The following PALLD variants were observed in gnomAD, a reference collection of about 807,000 sequenced individuals.
The protein encoded by PALLD is palladin, cytoskeletal associated protein, also known as palladin.
In PALLD, 61 loss-of-function variants were observed where a neutral mutation model predicts 123.5. That is an observed-to-expected ratio of 0.49 (90% CI 0.40 to 0.61). PALLD has a LOEUF of 0.61. Ranked by LOEUF, PALLD falls within the 20% of genes least tolerant of loss-of-function variation. The probability of loss-of-function intolerance (pLI) is 0.00; values close to 1 mark genes in which losing one functional copy is unlikely to be tolerated. For missense variants in PALLD, 1,273 were observed against 1,377.0 expected (o/e 0.92, Z 1.20); for synonymous variants, 465 against 496.4 (o/e 0.94, Z 0.84).
chr4:168,717,428 G>A (rs148813682), intron 10 of PALLD, among the ~76,000 whole-genome samples: 1 of 151,924 alleles, frequency 6.6e-6, no homozygotes, highest in African/African-American at 2.4e-5. Flanking sequence ...TTGGCTCACT[G>A]CAACCTCCAC....
intron 10 of PALLD, among the ~76,000 whole-genome samples, chr4:168,867,320 T>C (rs1750437164): frequency 6.6e-6 from 1 of 152,186 alleles, no homozygotes; most frequent in African/African-American, 2.4e-5. Flanking sequence ...GCAATAGTCA[T>C]GCTTGATGAA....
intron 3 of PALLD, 56 bp downstream of exon 3, chr4:168,668,424 C>G: frequency 1.4e-6 from 2 of 1,418,018 alleles, no homozygotes; most frequent in Non-Finnish European, 1.9e-6. Flanking sequence ...TCTAATGACT[C>G]CAGTATCTTG....
At chr4:168,760,846 C>A (rs898264588) in intron 10 of PALLD, among the ~76,000 whole-genome samples, 3 of 152,210 alleles carry the variant, frequency 2.0e-5, no homozygotes, top group African/African-American at 7.2e-5. Context: ...CTTTCAAAAT[C>A]TATTTTGATG....
intron 1 of PALLD, among the ~76,000 whole-genome samples, chr4:168,502,483 G>A (rs1412328284): frequency 1.3e-5 from 2 of 152,114 alleles, no homozygotes; most frequent in East Asian, 3.9e-4. Context: ...GACACAAACA[G>A]TTATGTGTTA....
At chr4:168,568,605 G>A (rs1466955255) in intron 2 of PALLD, among the ~76,000 whole-genome samples, 2 of 151,894 alleles carry the variant, frequency 1.3e-5, no homozygotes, top group African/African-American at 2.4e-5. Context: ...TCATACTTAT[G>A]TGTGCATTAT....
At chr4:168,547,316 G>A (rs1055225388) in intron 2 of PALLD, among the ~76,000 whole-genome samples, 1 of 151,972 alleles carries the variant, frequency 6.6e-6, no homozygotes, top group Non-Finnish European at 1.5e-5. Context: ...AGGTTATTAG[G>A]AAAACCAAGT....
chr4:168,875,457 C>T (rs138078478), intron 10 of PALLD, among the ~76,000 whole-genome samples: 2 of 152,260 alleles, frequency 1.3e-5, no homozygotes, highest in East Asian at 1.9e-4. Flanking sequence ...ATCATTTGCA[C>T]AGAAATAAAG....
intron 2 of PALLD, among the ~76,000 whole-genome samples, chr4:168,623,048 C>A (rs888437783): frequency 6.6e-6 from 1 of 152,174 alleles, no homozygotes; most frequent in Non-Finnish European, 1.5e-5. Flanking sequence ...GTCCTTTGAG[C>A]CTTAGAAAAT....
chr4:168,629,250 G>A (rs1283998048), intron 2 of PALLD, among the ~76,000 whole-genome samples: 2 of 152,090 alleles, frequency 1.3e-5, no homozygotes, highest in African/African-American at 2.4e-5. Context: ...CTGACCTCAG[G>A]TGATCCGCCC....
At chr4:168,708,698 C>T (rs1028030466) in intron 8 of PALLD, among the ~76,000 whole-genome samples, 4 of 152,134 alleles carry the variant, frequency 2.6e-5, no homozygotes, top group African/African-American at 9.7e-5. Flanking sequence ...TTAACTCCTA[C>T]ATGCAAAATA....
chr4:168,795,025 GC>G (rs1322493086), intron 10 of PALLD, among the ~76,000 whole-genome samples: 1 of 152,152 alleles, frequency 6.6e-6, no homozygotes, highest in African/African-American at 2.4e-5. Flanking sequence ...TAGAAGGCTG[GC>G]CTCTCACTGT....
intron 2 of PALLD, among the ~76,000 whole-genome samples, chr4:168,601,544 A>T (rs1468166746): frequency 2.0e-5 from 3 of 152,200 alleles, no homozygotes. Context: ...GAAAATTCAC[A>T]TGCACAAAGC....
At chr4:168,694,545 T>C (rs895450106) in intron 8 of PALLD, among the ~76,000 whole-genome samples, 1 of 151,820 alleles carries the variant, frequency 6.6e-6, no homozygotes, top group African/African-American at 2.4e-5. Flanking sequence ...ACTCTTCTCT[T>C]TACTCTCTTC....
Position 168,563,487 on chromosome 4 carries a change from C to T in PALLD, c.908+51075C>T, listed in dbSNP as rs189357018. Among the ~76,000 whole-genome samples the T allele has an allele frequency of 4.6e-5, 7 of 152,284 alleles. No homozygotes were observed. The East Asian group carries it at 1.3e-3, about 29-fold the overall frequency. On this transcript the variant is annotated intron_variant, in intron 2 of 21. Coordinates refer to ENST00000505667, the MANE Select transcript of PALLD (RefSeq NM_001166108.2). ...AGTCAAATCTCAGTAAAACTGAGCA[C>T]ATCAAGAAACCCCAAAAATATTACA...
At chr4:168,526,919 C>T (rs576957629) in intron 2 of PALLD, among the ~76,000 whole-genome samples, 1 of 152,202 alleles carries the variant, frequency 6.6e-6, no homozygotes, top group East Asian at 1.9e-4. Flanking sequence ...GAAACAGTTC[C>T]AAGAAGCAAT....
At position 168,913,372 on chromosome 4, in the gene PALLD, C is replaced by T. The variant is rs531682148; in HGVS notation, c.2623-555C>T. ...CAGGCTGGGCTCGAACTCCTGACCT[C>T]GTGATCCACCTGCGTCAGCCTCCCA... On this transcript the variant is annotated intron_variant, in intron 15 of 21. Transcript: ENST00000505667. Among the ~76,000 whole-genome samples the T allele has an allele frequency of 2.6e-5, 4 of 152,120 alleles. No individual in the cohort carries two copies. In the South Asian group the frequency reaches 6.2e-4, roughly 24 times the overall value.
intron 2 of PALLD, among the ~76,000 whole-genome samples, chr4:168,632,084 G>T (rs1235593764): frequency 2.6e-5 from 4 of 151,344 alleles, no homozygotes; most frequent in Non-Finnish European, 4.4e-5. Flanking sequence ...TTTGGGGGTT[G>T]GCGGGGGCGG....
intron 6 of PALLD, among the ~76,000 whole-genome samples, chr4:168,687,867 G>A (rs1276634342): frequency 6.6e-6 from 1 of 152,160 alleles, no homozygotes; most frequent in Non-Finnish European, 1.5e-5. Flanking sequence ...TCTTTATATA[G>A]GTTGATTTTT....
chr4:168,881,162 C>A (rs1752556417), intron 10 of PALLD, among the ~76,000 whole-genome samples: 1 of 152,200 alleles, frequency 6.6e-6, no homozygotes, highest in African/African-American at 2.4e-5. Context: ...GCCTTGGCCT[C>A]TCAAAGTGCT....
Sources: allele counts gnomAD v4.1 joint callset (sites outside exome capture counted in the v4.1 genomes callset), GRCh38; gene constraint gnomAD v4.1.1; transcripts MANE v1.5; gene names NCBI Gene and HGNC (gene_info 2026-07-23, HGNC 2026-07-21).